The following MEGF10 variants were observed in gnomAD, a reference collection of about 807,000 sequenced individuals.
MEGF10 encodes multiple EGF like domains 10.
MEGF10 carries 86 observed loss-of-function variants against 147.5 expected under a neutral mutation model. That is an observed-to-expected ratio of 0.58 (90% CI 0.49 to 0.70). The LOEUF (loss-of-function observed/expected upper bound fraction) is 0.70. MEGF10 is among the 30% of genes least tolerant of loss of function. The pLI is 0.00. For missense variants in MEGF10, 1,329 were observed against 1,487.3 expected (o/e 0.89, Z 1.75); for synonymous variants, 478 against 525.5 (o/e 0.91, Z 1.24).
At chr5:127,355,460 C>A (rs1255934870) in intron 4 of MEGF10, among the ~76,000 whole-genome samples, 1 of 152,044 alleles carries the variant, frequency 6.6e-6, no homozygotes, top group Non-Finnish European at 1.5e-5. Flanking sequence ...CCCATGATGC[C>A]CTCCCTGCCA....
chr5:127,397,261 G>T (rs962329042), intron 6 of MEGF10, among the ~76,000 whole-genome samples: 1 of 152,152 alleles, frequency 6.6e-6, no homozygotes, highest in Admixed American at 6.5e-5. Context: ...CATAATAAAA[G>T]ATTAACTCTT....
the MEGF10 span, among the ~76,000 whole-genome samples, chr5:127,270,144 A>G: frequency 6.6e-6 from 1 of 152,214 alleles, no homozygotes; most frequent in African/African-American, 2.4e-5. Flanking sequence ...AATTGTAAAG[A>G]CCATCGATGC....
intron 1 of MEGF10, among the ~76,000 whole-genome samples, chr5:127,315,353 T>G (rs560389849): frequency 2.6e-5 from 4 of 152,312 alleles, no homozygotes; most frequent in Admixed American, 2.6e-4. Context: ...TCTTGCCTTA[T>G]TTAGGTAATA....
intron 5 of MEGF10, among the ~76,000 whole-genome samples, chr5:127,383,187 A>G (rs1169182907): frequency 3.3e-5 from 5 of 152,248 alleles, no homozygotes; most frequent in Non-Finnish European, 7.3e-5. Flanking sequence ...GGAAACAACT[A>G]AAAATATCTG....
At chr5:127,280,436 CT>C in the MEGF10 span, among the ~76,000 whole-genome samples, 4 of 152,158 alleles carry the variant, frequency 2.6e-5, no homozygotes, top group African/African-American at 4.8e-5. Flanking sequence ...ATTTGCCTGG[CT>C]TTTGTTCACT....
At chr5:127,329,320 C>A (rs990594806) in intron 1 of MEGF10, among the ~76,000 whole-genome samples, 1 of 152,118 alleles carries the variant, frequency 6.6e-6, no homozygotes, top group Admixed American at 6.5e-5. Flanking sequence ...ATGGCTTACA[C>A]AATATCTTTT....
chr5:127,267,979 T>C, the MEGF10 span, among the ~76,000 whole-genome samples: 1 of 152,192 alleles, frequency 6.6e-6, no homozygotes, highest in East Asian at 1.9e-4. Flanking sequence ...ATGTGTTTGC[T>C]CTTGCTTCTC....
intron 5 of MEGF10, among the ~76,000 whole-genome samples, chr5:127,374,911 A>T (rs1212857529): frequency 6.6e-6 from 1 of 152,144 alleles, no homozygotes; most frequent in Non-Finnish European, 1.5e-5. Context: ...AACTTCAGTT[A>T]CTTGGGGTTA....
At chr5:127,416,603 G>T (rs778309884) in intron 9 of MEGF10, among the ~76,000 whole-genome samples, 6 of 152,154 alleles carry the variant, frequency 3.9e-5, no homozygotes, top group Non-Finnish European at 5.9e-5. Flanking sequence ...GTGCAGCAGG[G>T]TTCTAAAAGT....
At chr5:127,431,637 T>C (rs973887749) in intron 13 of MEGF10, among the ~76,000 whole-genome samples, 15 of 152,198 alleles carry the variant, frequency 9.9e-5, no homozygotes, top group African/African-American at 3.6e-4. Flanking sequence ...GTTGATTGTC[T>C]AAGTCTCTGT....
At position 127,459,538 on chromosome 5, in the gene MEGF10, C is replaced by A. The variant is rs1401414429; in HGVS notation, c.*2220C>A. ...AGCTGCATGGTAAATTTGAATTTCCCCATTGTTCTCTAGAGCTAGGTCAAA... is the reference window on the plus strand; with the variant it reads ...AGCTGCATGGTAAATTTGAATTTCCACATTGTTCTCTAGAGCTAGGTCAAA... On this transcript the variant is annotated 3_prime_UTR_variant, in exon 25 of 25. Transcript: ENST00000503335. 3 of 152,182 alleles carry A rather than the reference C, an allele frequency of 2.0e-5. No homozygotes were observed. In the East Asian group the frequency reaches 5.8e-4, roughly 29 times the overall value. The allele number at this position is 152,182 out of a possible 1,614,324, so 9.4% of individuals were successfully genotyped here.
At chr5:127,349,539 T>C (rs971478877) in intron 4 of MEGF10, among the ~76,000 whole-genome samples, 4 of 152,146 alleles carry the variant, frequency 2.6e-5, no homozygotes, top group Admixed American at 2.0e-4. Flanking sequence ...CTTTCTACTT[T>C]ATGTTTTTAT....
upstream of MEGF10, among the ~76,000 whole-genome samples, chr5:127,287,940 G>A (rs1411021645): frequency 6.6e-6 from 1 of 151,974 alleles, no homozygotes. Flanking sequence ...TCCTGAAATA[G>A]ACTCACTCAT....
the MEGF10 span, among the ~76,000 whole-genome samples, chr5:127,240,801 C>A: frequency 6.6e-6 from 1 of 152,186 alleles, no homozygotes; most frequent in South Asian, 2.1e-4. Flanking sequence ...AACAAAGAAT[C>A]ATCACTTATA....
chr5:127,402,612 T>C lies in MEGF10; in HGVS notation c.847T>C (p.Cys283Arg). Residue 283 changes from cysteine (C) to arginine (R), a missense_variant, in exon 8 of 25, where the codon TGC becomes CGC. Physicochemically the swap from Cys to Arg is radical, Grantham distance 180. Transcript: ENST00000503335. ...AAAGAACTGTTCCCAAGAATGCCAG[T>C]GCCATAATGGAGGGACGTGTGATGC... The part of the protein sequence containing the change: ...FGKNCSQECQ[C>R]HNGGTCDAAT... 6.2e-7 allele frequency: 1 copy of C among 1,614,130 alleles called. No individual in the cohort carries two copies. The highest frequency in any genetic ancestry group is 1.1e-5 in the South Asian group (1 of 91,078).
chr5:127,369,959 CT>C lies in MEGF10; in HGVS notation c.370del (p.Cys124ValfsTer212). 6.2e-7 allele frequency: 1 copy of C among 1,613,484 alleles called. No homozygotes were observed. The highest frequency in any genetic ancestry group is 8.5e-7 in the Non-Finnish European group (1 of 1,179,632). Reference sequence around the variant, plus strand: ...ATGGTCGCTGTATTGCTCCAAACACCTGTCAGTGTGAGCCTGGCTGGGGAGG... The same window carrying C: ...ATGGTCGCTGTATTGCTCCAAACACCGTCAGTGTGAGCCTGGCTGGGGAGG... ...VHGRCIAPNT[C>X]QCEPGWGGTN... On this transcript the variant is annotated frameshift_variant, in exon 5 of 25. Transcript: ENST00000503335. LOFTEE classifies it high-confidence loss of function.
intron 1 of MEGF10, among the ~76,000 whole-genome samples, chr5:127,322,625 C>T (rs577195028): frequency 6.6e-6 from 1 of 152,268 alleles, no homozygotes; most frequent in African/African-American, 2.4e-5. Flanking sequence ...TAAACATGGC[C>T]TTCACCAGTG....
chr5:127,372,651 C>T (rs564327411), intron 5 of MEGF10, among the ~76,000 whole-genome samples: 3 of 152,198 alleles, frequency 2.0e-5, no homozygotes, highest in African/African-American at 7.2e-5. Flanking sequence ...GAGAACTGGC[C>T]AGGTATCCTG....
the MEGF10 span, among the ~76,000 whole-genome samples, chr5:127,273,580 T>G: frequency 1.3e-5 from 2 of 152,242 alleles, no homozygotes; most frequent in Non-Finnish European, 2.9e-5. Context: ...GCACTACTTA[T>G]GAGATATTTT....
Sources: gnomAD v4.1 joint callset for allele counts (sites outside exome capture counted in the v4.1 genomes callset) on GRCh38, gnomAD v4.1.1 for gene constraint, MANE v1.5 for transcripts, NCBI Gene and HGNC (gene_info 2026-07-23, HGNC 2026-07-21) for gene names.